PINK1: variants seen among roughly 807,000 people sequenced by gnomAD.
PINK1 encodes PTEN induced kinase 1, also known as serine/threonine-protein kinase PINK1, mitochondrial.
A neutral mutation model predicts 56.0 loss-of-function variants in PINK1; 58 were observed. That is an observed-to-expected ratio of 1.04 (90% confidence interval 0.84 to 1.29). The LOEUF (loss-of-function observed/expected upper bound fraction) is 1.29, where lower values mean the gene tolerates loss of function less well. PINK1 is among the 50% of genes most tolerant of loss of function. The probability of loss-of-function intolerance (pLI) is 0.00; values close to 1 mark genes in which losing one functional copy is unlikely to be tolerated. For missense variants in PINK1, 745 were observed against 777.9 expected, an observed-to-expected ratio of 0.96 and a Z score of 0.50; for synonymous variants, 354 against 339.3, an observed-to-expected ratio of 1.04 and a Z score of -0.48.
chr1:20,649,118 G>C lies in PINK1; in HGVS notation c.1375G>C (p.Ala459Pro). ...CAATCCCTTCTACGGCCAGGGCAAG[G>C]CCCACCTTGAAAGCCGCAGCTACCA... is the stretch of plus-strand genomic sequence containing the variant. ...LVNPFYGQGK[A>P]HLESRSYQEA... Residue 459 changes from alanine (A) to proline (P), a missense_variant, in exon 7 of 8, where the codon GCC (alanine) becomes CCC (proline). Transcript: ENST00000321556. 6.2e-7 allele frequency: 1 copy of C among 1,614,248 alleles called. No homozygotes were observed. The highest frequency in any genetic ancestry group is 8.5e-7 in the Non-Finnish European group (1 of 1,180,044).
chr1:20,634,666 C>T (rs1340543031), intron 1 of PINK1, among the ~76,000 whole-genome samples: 1 of 152,222 alleles, frequency 6.6e-6, no homozygotes, highest in Non-Finnish European at 1.5e-5. Flanking sequence ...GTCTTAAAAG[C>T]CGCAGAGTAG....
rs138018628 is a variant in PINK1, at chr1:20,639,896, G to A, written c.680G>A (p.Gly227Asp). ...GGTTCCTTGTGGGTGTTCCAGGCAG[G>A]TTCCTCCAGCGAAGCCATCTTGAAC... ...AIKMMWNISA[G>D]SSSEAILNTM... The change falls in exon 3 of 8, where the codon GGT becomes GAT. Residue 227 changes from glycine (G) to aspartate (D), a missense_variant. Physicochemically the swap from Gly to Asp is moderately conservative, Grantham distance 94 (BLOSUM62 -1). Coordinates refer to ENST00000321556, the MANE Select transcript of PINK1 (RefSeq NM_032409.3). 4 of 1,611,916 alleles carry A rather than the reference G, an allele frequency of 2.5e-6. No homozygotes were observed. Among genetic ancestry groups the A allele is most frequent in the Admixed American group, 1.7e-5 (1 of 59,830 alleles).
Position 20,637,951 on chromosome 1 carries a change from G to A in PINK1, c.497G>A (p.Cys166Tyr). Residue 166 changes from cysteine (C) to tyrosine (Y), a missense_variant, in exon 2 of 8, where the codon TGC (cysteine) becomes TAC (tyrosine). Cys to Tyr is a radical substitution (Grantham distance 194). Coordinates refer to ENST00000321556, the MANE Select transcript of PINK1 (RefSeq NM_032409.3). ...YLIGQSIGKGCSAAVYEATMP... is the reference protein window; with the variant it reads ...YLIGQSIGKGYSAAVYEATMP... ...ATAGGGCAGTCCATTGGTAAGGGCT[G>A]CAGTGCTGCTGTGTATGAAGCCACC... The A allele has an allele frequency of 6.2e-7, 1 of 1,614,216 alleles. No homozygotes were observed. The highest frequency in any genetic ancestry group is 8.5e-7 in the Non-Finnish European group (1 of 1,180,036).
intron 3 of PINK1, among the ~76,000 whole-genome samples, chr1:20,644,185 C>G (rs2053148611): frequency 1.3e-5 from 2 of 152,218 alleles, no homozygotes; most frequent in South Asian, 4.2e-4. Flanking sequence ...AATGCAAACC[C>G]AGGCAGTCTG....
intron 1 of PINK1, among the ~76,000 whole-genome samples, chr1:20,636,330 A>G (rs953858902): frequency 5.3e-5 from 8 of 151,420 alleles, no homozygotes; most frequent in Admixed American, 5.3e-4. Flanking sequence ...CATGAAGTTT[A>G]TAAGGGAAGT....
chr1:20,634,621 T>C (rs2053037302), intron 1 of PINK1, among the ~76,000 whole-genome samples: 1 of 151,946 alleles, frequency 6.6e-6, no homozygotes, highest in Non-Finnish European at 1.5e-5. Flanking sequence ...GGCAGGTTTA[T>C]TTTGAGGACC....
At chr1:20,637,747 C>T (rs2053070599) in intron 1 of PINK1, 95 bp from the exon 2 acceptor site, 18 of 1,431,090 alleles carry the variant, frequency 1.3e-5, no homozygotes, top group Non-Finnish European at 1.7e-5. Flanking sequence ...CGACGTGGAC[C>T]ACGCCTTGCT....
chr1:20,633,595 C>CGCT lies in PINK1; in HGVS notation c.56_58dup (p.Leu19dup). 8.0e-7 allele frequency: 1 copy of CGCT among 1,248,180 alleles called. No individual in the cohort carries two copies. Among genetic ancestry groups the CGCT allele is most frequent in the Non-Finnish European group, 1.0e-6 (1 of 999,602 alleles). The allele number at this position is 1,248,180 out of a possible 1,614,324, so 77.3% of individuals were successfully genotyped here. A position where few individuals can be genotyped will look rare whatever the true frequency, so the allele number is the denominator to read the frequency against. On this transcript the variant is annotated inframe_insertion, in exon 1 of 8. Coordinates refer to ENST00000321556, the MANE Select transcript of PINK1 (RefSeq NM_032409.3). ...GGCCGCGGCCTGCAGCTGGGTCGAG[C>CGCT]GCTGCTGCTGCGCTTCACGGGCAAG...
rs2053253474 is a variant in PINK1, at chr1:20,650,511, G to C, written c.1566G>C (p.Leu522=). 3.7e-6 allele frequency: 6 copies of C among 1,614,080 alleles called. No homozygotes were observed. The highest frequency in any genetic ancestry group is 2.2e-5 in the East Asian group (1 of 44,890). The change falls in exon 8 of 8, where the codon CTG becomes CTC. Residue 522 remains leucine (L), a synonymous_variant. Coordinates refer to ENST00000321556, the MANE Select transcript of PINK1 (RefSeq NM_032409.3). ...WGEHILALKN[L]KLDKMVGWLL... ...AACATATTCTAGCCCTGAAGAATCT[G>C]AAGTTAGACAAGATGGTTGGCTGGC...
chr1:20,647,712 G>A (rs924566727), intron 5 of PINK1, among the ~76,000 whole-genome samples: 5 of 151,516 alleles, frequency 3.3e-5, no homozygotes, highest in Non-Finnish European at 5.9e-5. Flanking sequence ...TTCGTGATCC[G>A]CCTGCCTCGG....
Position 20,650,558 on chromosome 1 carries a change from C to G in PINK1, c.1613C>G (p.Thr538Ser). 6.2e-7 allele frequency: 1 copy of G among 1,614,254 alleles called. No homozygotes were observed. Among genetic ancestry groups the G allele is most frequent in the Non-Finnish European group, 8.5e-7 (1 of 1,180,048 alleles). The change falls in exon 8 of 8, where the codon ACT becomes AGT. Residue 538 changes from threonine to serine, a missense_variant. Coordinates refer to ENST00000321556, the MANE Select transcript of PINK1 (RefSeq NM_032409.3). ...TGGCTCCTCCAACAATCGGCCGCCA[C>G]TTTGTTGGCCAACAGGCTCACAGAG... ...VGWLLQQSAA[T>S]LLANRLTEKC...
intron 1 of PINK1, 46 bp downstream of exon 1, chr1:20,633,981 GC>G: frequency 6.5e-7 from 1 of 1,549,364 alleles, no homozygotes; most frequent in Admixed American, 1.9e-5. Context: ...GGAGCTAAGC[GC>G]GGGGGCGGGT....
intron 2 of PINK1, 24 bp downstream of exon 2, chr1:20,638,153 T>C (rs1570400165): frequency 1.2e-6 from 2 of 1,604,270 alleles, no homozygotes; most frequent in East Asian, 4.5e-5. Flanking sequence ...CTTTCATCTT[T>C]AAAGGAGATG....
chr1:20,649,452 GC>G (rs1203679648), intron 7 of PINK1: 13 of 572,210 alleles, frequency 2.3e-5, no homozygotes, highest in Admixed American at 6.1e-5. Context: ...AACTCCTGTG[GC>G]TTTTTTAGTT....
In PINK1 at chr1:20,651,032, G is replaced by C; in HGVS notation, c.*341G>C. The C allele has an allele frequency of 1.0e-5, 4 of 387,120 alleles. No homozygotes were observed. The Admixed American group carries it at 1.1e-4, about 11-fold the overall frequency. The allele number at this position is 387,120 out of a possible 1,614,324, so 24.0% of individuals were successfully genotyped here. ...CCTTTGCCCCTAACACGAGGAACTCGTTTGAAGGGGGCAGCGTAGCATGTC... is the reference window on the plus strand; with the variant it reads ...CCTTTGCCCCTAACACGAGGAACTCCTTTGAAGGGGGCAGCGTAGCATGTC... On this transcript the variant is annotated 3_prime_UTR_variant, in exon 8 of 8. Coordinates refer to ENST00000321556, the MANE Select transcript of PINK1 (RefSeq NM_032409.3).
Position 20,645,587 on chromosome 1 carries a change from T to A in PINK1, c.987T>A (p.Leu329=). The A allele has an allele frequency of 6.2e-7, 1 of 1,613,748 alleles. No individual in the cohort carries two copies. Among genetic ancestry groups the A allele is most frequent in the Non-Finnish European group, 8.5e-7 (1 of 1,179,990 alleles). The part of the protein sequence containing the change: ...KNYPCTLRQY[L]CVNTPSPRLA... ...ATCCCTGTACCCTGCGCCAGTACCTTTGTGTGAACACACCCAGCCCCCGCC... is the reference window on the plus strand; with the variant it reads ...ATCCCTGTACCCTGCGCCAGTACCTATGTGTGAACACACCCAGCCCCCGCC... The change falls in exon 5 of 8, where the codon CTT becomes CTA. Residue 329 remains leucine, a synonymous_variant. Coordinates refer to ENST00000321556, the MANE Select transcript of PINK1 (RefSeq NM_032409.3).
rs371943401 is a variant in PINK1, at chr1:20,645,549, C to G, written c.960-11C>G. 6 of 1,613,130 alleles carry G rather than the reference C, an allele frequency of 3.7e-6. No homozygotes were observed. The highest frequency in any genetic ancestry group is 1.1e-5 in the South Asian group (1 of 91,072). On this transcript the variant is annotated splice_polypyrimidine_tract_variant and intron_variant, in intron 4 of 7. Coordinates refer to ENST00000321556, the MANE Select transcript of PINK1 (RefSeq NM_032409.3). ...GTGTGGTAGCCAGAGGCCCTCTCCC[C>G]TCTCCGCCAGCTATCCCTGTACCCT...
intron 4 of PINK1, 116 bp from the exon 5 acceptor site, chr1:20,645,444 G>T (rs141923445): frequency 1.7e-6 from 2 of 1,206,634 alleles, no homozygotes; most frequent in East Asian, 2.5e-5. Flanking sequence ...AGCCAAGATC[G>T]TGCTACTGCA....
In PINK1 at chr1:20,633,796, G is replaced by A. The variant is rs544984102; in HGVS notation, c.248G>A (p.Arg83Gln). The change falls in exon 1 of 8, where the codon CGG becomes CAG. Residue 83 changes from arginine (R) to glutamine (Q), a missense_variant. Physicochemically the swap from Arg to Gln is conservative, Grantham distance 43. Coordinates refer to ENST00000321556, the MANE Select transcript of PINK1 (RefSeq NM_032409.3). ...SVAGLAARLQ[R>Q]QFVVRAWGCA... Reference sequence around the variant, plus strand: ...GCCGGGCTGGCGGCGCGGTTGCAGCGGCAGTTCGTGGTGCGGGCCTGGGGC... The same window carrying A: ...GCCGGGCTGGCGGCGCGGTTGCAGCAGCAGTTCGTGGTGCGGGCCTGGGGC... 3 of 1,574,862 alleles carry A rather than the reference G, an allele frequency of 1.9e-6. No individual in the cohort carries two copies. Among genetic ancestry groups the A allele is most frequent in the East Asian group, 2.3e-5 (1 of 43,394 alleles).
Sources: gnomAD v4.1 joint callset for allele counts (sites outside exome capture counted in the v4.1 genomes callset) on GRCh38, gnomAD v4.1.1 for gene constraint, MANE v1.5 for transcripts, NCBI Gene and HGNC (gene_info 2026-07-23, HGNC 2026-07-21) for gene names.